Variants in GNAL observed in about 807,000 individuals in gnomAD.
GNAL encodes guanine nucleotide-binding protein G(olf) subunit alpha.
GNAL carries 18 observed loss-of-function variants against 55.1 expected under a neutral mutation model. That is an observed-to-expected ratio of 0.33 (90% CI 0.23 to 0.48). The LOEUF (loss-of-function observed/expected upper bound fraction) is 0.48. Ranked by LOEUF, GNAL falls within the 20% of genes least tolerant of loss-of-function variation. GNAL has a pLI of 0.99. For missense variants in GNAL, 412 were observed against 614.1 expected (o/e 0.67, Z 3.48); for synonymous variants, 253 against 237.0 (o/e 1.07, Z -0.62).
chr18:11,813,167 A>G (rs1258268180), intron 4 of GNAL, among the ~76,000 whole-genome samples: 1 of 151,600 alleles, frequency 6.6e-6, no homozygotes, highest in South Asian at 2.1e-4. Context: ...AGGCAGGAGA[A>G]TTGGTGGAAC....
rs778370241 is a variant in GNAL at position 11,884,444 on chromosome 18, T to G, written c.*3309T>G. The G allele has an allele frequency of 1.9e-6, 3 of 1,613,054 alleles. No individual in the cohort carries two copies. In the East Asian group the frequency reaches 6.7e-5, roughly 36 times the overall value. ...TTGATATTTATAATGGCGCCTGCTCTTCATCTTGTCTTACGCTTTCCGAGC... is the reference window on the plus strand; with the variant it reads ...TTGATATTTATAATGGCGCCTGCTCGTCATCTTGTCTTACGCTTTCCGAGC... On this transcript the variant is annotated 3_prime_UTR_variant, in exon 12 of 12. Coordinates refer to ENST00000334049, the MANE Select transcript of GNAL (RefSeq NM_182978.4).
chr18:11,783,976 G>A (rs1169556872), intron 4 of GNAL, among the ~76,000 whole-genome samples: 2 of 152,240 alleles, frequency 1.3e-5, no homozygotes, highest in Non-Finnish European at 2.9e-5. Flanking sequence ...AGCTCCATCT[G>A]TGCATGTTCA....
Position 11,868,683 on chromosome 18 carries a change from C to T in GNAL, c.1031+20C>T. On this transcript the variant is annotated intron_variant, in intron 9 of 11. Coordinates refer to ENST00000334049, the MANE Select transcript of GNAL (RefSeq NM_182978.4). The surrounding 1 kb of genome is among the most constrained non-coding windows in gnomAD (Gnocchi z 4.0). ...CAACAGGTGACAAAAATAGCAAATT[C>T]AGTCTTACCATTGGATTGCAAATTT... 1 of 1,595,224 alleles carries T rather than the reference C, an allele frequency of 6.3e-7. No homozygotes were observed. Among genetic ancestry groups the T allele is most frequent in the Non-Finnish European group, 8.5e-7 (1 of 1,171,710 alleles).
At chr18:11,723,592 C>T (rs2032146498) in intron 1 of GNAL, among the ~76,000 whole-genome samples, 1 of 152,250 alleles carries the variant, frequency 6.6e-6, no homozygotes, top group South Asian at 2.1e-4. Context: ...ATACAGGAAC[C>T]TCAGCAGGTC....
At chr18:11,768,591 A>C (rs1378518053) in intron 4 of GNAL, among the ~76,000 whole-genome samples, 11 of 150,380 alleles carry the variant, frequency 7.3e-5, no homozygotes, top group Non-Finnish European at 1.6e-4. Flanking sequence ...ACAAGAGCGA[A>C]ACTCCATCTC....
At chr18:11,780,372 T>C (rs2033894900) in intron 4 of GNAL, among the ~76,000 whole-genome samples, 1 of 140,438 alleles carries the variant, frequency 7.1e-6, no homozygotes, top group Non-Finnish European at 1.5e-5. Context: ...ATGGCTCTTA[T>C]ATTTAAAAAA....
chr18:11,701,561 C>CAAAAAAA (rs36089846), intron 1 of GNAL, among the ~76,000 whole-genome samples: 2 of 56,392 alleles, frequency 3.5e-5, no homozygotes, highest in African/African-American at 6.0e-5. Flanking sequence ...GCAAGAATCT[C>CAAAAAAA]AAAAAAAAAA....
intron 1 of GNAL, among the ~76,000 whole-genome samples, chr18:11,741,798 G>T (rs745474645): frequency 6.6e-6 from 1 of 152,192 alleles, no homozygotes; most frequent in Non-Finnish European, 1.5e-5. Flanking sequence ...GTCATCAGGA[G>T]ACTCTCTCCC....
At chr18:11,772,371 T>G (rs1175213645) in intron 4 of GNAL, among the ~76,000 whole-genome samples, 1 of 152,214 alleles carries the variant, frequency 6.6e-6, no homozygotes, top group East Asian at 1.9e-4. Context: ...GTGGTTCTCT[T>G]TACTGAGAAA....
At chr18:11,796,189 C>T (rs2034374548) in intron 4 of GNAL, among the ~76,000 whole-genome samples, 1 of 152,178 alleles carries the variant, frequency 6.6e-6, no homozygotes, top group South Asian at 2.1e-4. Flanking sequence ...GCCACCAACA[C>T]CACCAACAAT....
intron 4 of GNAL, among the ~76,000 whole-genome samples, chr18:11,790,105 A>G (rs1173538675): frequency 6.6e-6 from 1 of 152,200 alleles, no homozygotes; most frequent in Non-Finnish European, 1.5e-5. Context: ...TGAGATGTCA[A>G]ATGTATTCAA....
intron 4 of GNAL, among the ~76,000 whole-genome samples, chr18:11,771,618 G>A (rs1475029702): frequency 6.6e-6 from 1 of 152,148 alleles, no homozygotes; most frequent in African/African-American, 2.4e-5. Context: ...GGAAGGTGAG[G>A]GGTGGCCTGG....
At chr18:11,755,942 T>G (rs2033041630) in intron 4 of GNAL, among the ~76,000 whole-genome samples, 1 of 152,240 alleles carries the variant, frequency 6.6e-6, no homozygotes, top group Non-Finnish European at 1.5e-5. Context: ...CCTTTCAACT[T>G]CAGATTTAGA....
chr18:11,739,216 A>G (rs1281442332), intron 1 of GNAL, among the ~76,000 whole-genome samples: 1 of 152,214 alleles, frequency 6.6e-6, no homozygotes, highest in Non-Finnish European at 1.5e-5. Context: ...AAAAGTTGCA[A>G]GAATAAGACT....
At chr18:11,718,485 T>A (rs1448627556) in intron 1 of GNAL, among the ~76,000 whole-genome samples, 1 of 152,200 alleles carries the variant, frequency 6.6e-6, no homozygotes, top group Non-Finnish European at 1.5e-5. Flanking sequence ...TTTTTCTAAA[T>A]ATGACTATAA....
intron 1 of GNAL, chr18:11,746,193 A>G: frequency 5.5e-6 from 3 of 543,974 alleles, no homozygotes; most frequent in African/African-American, 1.9e-5. Flanking sequence ...GGAAATGGTT[A>G]AATATCATCA....
chr18:11,780,364 G>T (rs1360945834), intron 4 of GNAL, among the ~76,000 whole-genome samples: 1 of 146,970 alleles, frequency 6.8e-6, no homozygotes, highest in Admixed American at 6.7e-5. Context: ...TTTTTATTAT[G>T]GCTCTTATAT....
intron 10 of GNAL, among the ~76,000 whole-genome samples, chr18:11,874,726 C>T (rs958021957): frequency 2.7e-5 from 4 of 149,816 alleles, no homozygotes; most frequent in Admixed American, 6.7e-5. Context: ...CCCCCACCCC[C>T]GCCAAGATAA....
At position 11,752,206 on chromosome 18, in the gene GNAL, C is replaced by A; in HGVS notation, c.377-647C>A. 1.4e-6 allele frequency: 1 copy of A among 696,784 alleles called. No homozygotes were observed. The highest frequency in any genetic ancestry group is 2.1e-6 in the Non-Finnish European group (1 of 476,792). 43.2% of individuals were successfully genotyped at this position (696,784 alleles called of 1,614,324 possible). A position where few individuals can be genotyped will look rare whatever the true frequency, so the allele number is the denominator to read the frequency against. ...TTGAAACAATTCTCGTGTAAAAAGG[C>A]ATTTTACTCCGCGCGTCTTCCTTAC... is the stretch of plus-strand genomic sequence containing the variant. On this transcript the variant is annotated intron_variant, in intron 1 of 11. Coordinates refer to ENST00000334049, the MANE Select transcript of GNAL (RefSeq NM_182978.4). The surrounding 1 kb of genome is among the most constrained non-coding windows in gnomAD (Gnocchi z 4.5).
Sources: gnomAD v4.1 joint callset for allele counts (sites outside exome capture counted in the v4.1 genomes callset) on GRCh38, gnomAD v4.1.1 for gene constraint, Gnocchi (gnomAD v3.1) non-coding constraint, MANE v1.5 for transcripts, NCBI Gene and HGNC (gene_info 2026-07-23, HGNC 2026-07-21) for gene names.